Variants in DDIAS observed in about 807,000 individuals in gnomAD.
DDIAS encodes DNA damage induced apoptosis suppressor.
A neutral mutation model predicts 15.7 loss-of-function variants in DDIAS; 14 were observed. The ratio of observed to expected loss-of-function variants is 0.89; its 90% CI spans 0.59 to 1.39. The LOEUF is 1.39. Ranked by LOEUF, DDIAS falls within the 40% of genes most tolerant of loss-of-function variation. DDIAS has a pLI of 0.00. For synonymous variants in DDIAS, 355 were observed against 395.9 expected (o/e 0.90, Z 1.23); for missense variants, 1,035 against 1,130.9 (o/e 0.92, Z 1.22).
intron 3 of DDIAS, among the ~76,000 whole-genome samples, chr11:82,916,230 T>C (rs1243955707): frequency 6.6e-6 from 1 of 152,218 alleles, no homozygotes; most frequent in African/African-American, 2.4e-5. Flanking sequence ...TTAGAGATAA[T>C]GCACAGAAAT....
At chr11:82,904,364 T>G (rs1860384778) in intron 1 of DDIAS, among the ~76,000 whole-genome samples, 1 of 152,216 alleles carries the variant, frequency 6.6e-6, no homozygotes, top group South Asian at 2.1e-4. Flanking sequence ...GGTATGTGCA[T>G]GTATGGGCAC....
intron 1 of DDIAS, among the ~76,000 whole-genome samples, chr11:82,910,993 A>C (rs1860522023): frequency 6.6e-6 from 1 of 152,206 alleles, no homozygotes; most frequent in Non-Finnish European, 1.5e-5. Flanking sequence ...AAATGTTTAC[A>C]CTATACTGTA....
Position 82,933,995 on chromosome 11 carries a change from G to C in DDIAS, c.2657G>C (p.Gly886Ala). The C allele has an allele frequency of 6.2e-7, 1 of 1,613,552 alleles. No homozygotes were observed. The highest frequency in any genetic ancestry group is 8.5e-7 in the Non-Finnish European group (1 of 1,179,886). Reference sequence around the variant, plus strand: ...CTTGGATTCCAAGGCATAGGTCTAGGGAAATGCCTTGCTGCCTATCATTTC... The same window carrying C: ...CTTGGATTCCAAGGCATAGGTCTAGCGAAATGCCTTGCTGCCTATCATTTC... ...DMLGFQGIGL[G>A]KCLAAYHFPD... The change falls in exon 6 of 6, where the codon GGG (glycine) becomes GCG (alanine). Residue 886 changes from glycine to alanine, a missense_variant. Transcript: ENST00000533655.
Position 82,914,836 on chromosome 11 carries a change from T to C in DDIAS, c.98T>C (p.Ile33Thr). Residue 33 changes from isoleucine to threonine, a missense_variant, in exon 3 of 6, where the codon ATC becomes ACC. Ile to Thr is a moderately conservative substitution (Grantham distance 89). Transcript: ENST00000533655. ...TGTCAGAAGTGCTTCTCTAGGATAA[T>C]CCTGGTCTCCAAAAGGTAAAAGTAA... The part of the protein sequence containing the change: ...PSCQKCFSRI[I>T]LVSKRSNCPK... The C allele has an allele frequency of 6.3e-7, 1 of 1,581,578 alleles. No individual in the cohort carries two copies. Among genetic ancestry groups the C allele is most frequent in the Non-Finnish European group, 8.7e-7 (1 of 1,152,626 alleles).
At chr11:82,929,430 G>A (rs917112893) in intron 4 of DDIAS, among the ~76,000 whole-genome samples, 3 of 152,204 alleles carry the variant, frequency 2.0e-5, no homozygotes, top group African/African-American at 4.8e-5. Context: ...TTGGCCGGGC[G>A]CGGTAGCTCA....
intron 3 of DDIAS, among the ~76,000 whole-genome samples, chr11:82,926,245 A>G (rs1860860249): frequency 6.6e-6 from 1 of 151,692 alleles, no homozygotes; most frequent in African/African-American, 2.4e-5. Flanking sequence ...GCATGCCACC[A>G]CGTTCGTTAA....
At position 82,932,083 on chromosome 11, in the gene DDIAS, G is replaced by A. The variant is rs139033475; in HGVS notation, c.745G>A (p.Val249Ile). ...WQPSLEFTCI[V>I]SQLTDNDDFS... ...GCCATCACTTGAATTCACTTGCATT[G>A]TTTCACAACTAACAGATAATGATGA... Residue 249 changes from valine to isoleucine, a missense_variant, in exon 6 of 6, where the codon GTT becomes ATT. Physicochemically the swap from Val to Ile is conservative, Grantham distance 29. Coordinates refer to ENST00000533655, the MANE Select transcript of DDIAS (RefSeq NM_145018.4). 9.3e-6 allele frequency: 15 copies of A among 1,613,924 alleles called. No individual in the cohort carries two copies. The highest frequency in any genetic ancestry group is 1.2e-5 in the Non-Finnish European group (14 of 1,180,004).
At chr11:82,912,295 T>G (rs11233371) in intron 1 of DDIAS, among the ~76,000 whole-genome samples, 1 of 152,158 alleles carries the variant, frequency 6.6e-6, no homozygotes, top group African/African-American at 2.4e-5. Context: ...ATTTAAAATC[T>G]GTTGTTTAGT....
At position 82,933,649 on chromosome 11, in the gene DDIAS, T is replaced by A; in HGVS notation, c.2311T>A (p.Cys771Ser). The change falls in exon 6 of 6, where the codon TGT becomes AGT. Residue 771 changes from cysteine (C) to serine (S), a missense_variant. Coordinates refer to ENST00000533655, the MANE Select transcript of DDIAS (RefSeq NM_145018.4). Reference protein sequence around the residue: ...NFENSQDFVPCSQSTPISGFH... With the variant: ...NFENSQDFVPSSQSTPISGFH... The stretch of plus-strand genomic sequence containing the variant: ...TGAAAATAGTCAAGACTTTGTTCCA[T>A]GTTCACAGTCAACTCCAATTTCAGG... 5.0e-6 allele frequency: 8 copies of A among 1,614,068 alleles called. No homozygotes were observed. Among genetic ancestry groups the A allele is most frequent in the Non-Finnish European group, 6.8e-6 (8 of 1,179,982 alleles).
chr11:82,932,113 T>G lies in DDIAS; in HGVS notation c.775T>G (p.Ser259Ala). ...ACAACTAACAGATAATGATGATTTT[T>G]CAGCTTCAGAACAAAGTAAGGCCTT... Reference protein sequence around the residue: ...VSQLTDNDDFSASEQSKAFGT... With the variant: ...VSQLTDNDDFAASEQSKAFGT... The change falls in exon 6 of 6, where the codon TCA (serine) becomes GCA (alanine). Residue 259 changes from serine to alanine, a missense_variant. Ser to Ala is a moderately conservative substitution (Grantham distance 99, BLOSUM62 1). Transcript: ENST00000533655. 5.0e-6 allele frequency: 8 copies of G among 1,614,202 alleles called. No individual in the cohort carries two copies. Among genetic ancestry groups the G allele is most frequent in the Non-Finnish European group, 6.8e-6 (8 of 1,180,032 alleles).
chr11:82,933,668 TTTCAGGG>T lies in DDIAS; in HGVS notation c.2334_2340del (p.Gly779ThrfsTer8). The T allele has an allele frequency of 6.2e-7, 1 of 1,614,078 alleles. No homozygotes were observed. Among genetic ancestry groups the T allele is most frequent in the Non-Finnish European group, 8.5e-7 (1 of 1,179,990 alleles). ...GTTCCATGTTCACAGTCAACTCCAA[TTTCAGGG>T]TTCCACCAAACAAGAATTCATGGGA... is the stretch of plus-strand genomic sequence containing the variant. On this transcript the variant is annotated frameshift_variant, in exon 6 of 6. Transcript: ENST00000533655. LOFTEE classifies it low-confidence loss of function (END_TRUNC).
chr11:82,916,919 T>TG (rs1169395350), intron 3 of DDIAS, among the ~76,000 whole-genome samples: 14 of 152,312 alleles, frequency 9.2e-5, no homozygotes, highest in African/African-American at 3.1e-4. Flanking sequence ...AGTCACCATA[T>TG]TACTTCCAAA....
chr11:82,906,192 G>T (rs1860427125), intron 1 of DDIAS, among the ~76,000 whole-genome samples: 1 of 152,144 alleles, frequency 6.6e-6, no homozygotes, highest in Non-Finnish European at 1.5e-5. Flanking sequence ...GTAACTGTCT[G>T]AAACGATCTT....
In DDIAS at chr11:82,934,125, T is replaced by A. The variant is rs1204519021; in HGVS notation, c.2787T>A (p.Val929=). The change falls in exon 6 of 6, where the codon GTT becomes GTA. Residue 929 remains valine, a synonymous_variant. Transcript: ENST00000533655. ...KKLKNMLAAV[V]TKKKTHKYNC... ...TAAAGAATATGCTTGCAGCAGTTGT[T>A]ACGAAAAAGAAAACTCATAAATATA... The A allele has an allele frequency of 1.9e-6, 3 of 1,608,822 alleles. No homozygotes were observed. In the African/African-American group the frequency reaches 4.0e-5, roughly 22 times the overall value.
rs1443190458 is a variant in DDIAS at position 82,932,552 on chromosome 11, C to G, written c.1214C>G (p.Ser405Cys). The change falls in exon 6 of 6, where the codon TCC becomes TGC. Residue 405 changes from serine (S) to cysteine (C), a missense_variant. By Grantham distance (112) the Ser-to-Cys change is moderately radical. Transcript: ENST00000533655. ...AGACTTGAAGAGACAGCCAGCAGTT[C>G]CCAGGATGGTGACCCTCAAATTTGG... ...LLRLEETASS[S>C]QDGDPQIWDD... 4.3e-6 allele frequency: 7 copies of G among 1,614,046 alleles called. No individual in the cohort carries two copies. The Admixed American group carries it at 6.7e-5, about 15-fold the overall frequency.
chr11:82,929,750 C>T (rs1860945524), intron 4 of DDIAS, among the ~76,000 whole-genome samples: 2 of 151,904 alleles, frequency 1.3e-5, no homozygotes, highest in South Asian at 4.1e-4. Flanking sequence ...TTCTGCCCTC[C>T]TCCCCTAATC....
intron 3 of DDIAS, among the ~76,000 whole-genome samples, chr11:82,921,653 C>T (rs1860755871): frequency 7.0e-6 from 1 of 142,252 alleles, no homozygotes. Context: ...TCTCGTCTCA[C>T]TGCACCCTCC....
intron 1 of DDIAS, among the ~76,000 whole-genome samples, chr11:82,905,300 G>C (rs1038218350): frequency 9.2e-5 from 14 of 152,088 alleles, no homozygotes; most frequent in African/African-American, 3.4e-4. Context: ...ATGTGTGAGA[G>C]ATTTAAAGAA....
In DDIAS at chr11:82,934,240, T is replaced by C; in HGVS notation, c.2902T>C (p.Cys968Arg). 1.2e-6 allele frequency: 2 copies of C among 1,614,054 alleles called. No homozygotes were observed. The highest frequency in any genetic ancestry group is 1.7e-6 in the Non-Finnish European group (2 of 1,179,982). The change falls in exon 6 of 6, where the codon TGT becomes CGT. Residue 968 changes from cysteine to arginine, a missense_variant. Coordinates refer to ENST00000533655, the MANE Select transcript of DDIAS (RefSeq NM_145018.4). ...GCACCCTATTCTTGGACCTGATTCT[T>C]GTTCAGAAGTCAAATGTTGCCTTCC... Reference protein sequence around the residue: ...QLHPILGPDSCSEVKCCLPFS... With the variant: ...QLHPILGPDSRSEVKCCLPFS...
Sources: allele counts gnomAD v4.1 joint callset (sites outside exome capture counted in the v4.1 genomes callset), GRCh38; gene constraint gnomAD v4.1.1; transcripts MANE v1.5; gene names NCBI Gene and HGNC (gene_info 2026-07-23, HGNC 2026-07-21).